Variants in TNS1 observed in about 807,000 individuals in gnomAD.
TNS1 encodes tensin-1.
In TNS1, 62 loss-of-function variants were observed where a neutral mutation model predicts 168.6. The ratio of observed to expected loss-of-function variants is 0.37; its 90% confidence interval spans 0.30 to 0.45. The LOEUF is 0.45. Among genes scored for constraint, TNS1 ranks in the 20% least tolerant of loss-of-function variants. The pLI is 1.00. For synonymous variants in TNS1, 934 were observed against 933.2 expected, an observed-to-expected ratio of 1.00 and a Z score of -0.02; for missense variants, 2,240 against 2,339.4, an observed-to-expected ratio of 0.96 and a Z score of 0.88.
At chr2:217,935,735 T>A (rs3791907) in intron 3 of TNS1, among the ~76,000 whole-genome samples, 11,431 of 152,146 alleles carry the variant, frequency 0.075, 969 homozygotes, top group African/African-American at 0.2. Context: ...GTAATAACCA[T>A]AACAAAAACA....
At chr2:217,912,109 A>C (rs1286147038) in intron 4 of TNS1, among the ~76,000 whole-genome samples, 1 of 152,194 alleles carries the variant, frequency 6.6e-6, no homozygotes, top group Non-Finnish European at 1.5e-5. Context: ...CATGGGCCCA[A>C]GGTGGGGCCA....
At position 217,817,934 on chromosome 2, in the gene TNS1, G is replaced by A; in HGVS notation, c.4398C>T (p.Gly1466=). The change falls in exon 24 of 33, where the codon GGC becomes GGT. Residue 1466 remains glycine (G), a synonymous_variant. Coordinates refer to ENST00000682258, the MANE Select transcript of TNS1 (RefSeq NM_001387777.1). ...ACGGGGAGGTGGCAGGGCTGCTCAG[G>A]CCAGGGTAGTAGGCAGGGGAGACAG... The part of the protein sequence containing the change: ...SFPVSPAYYP[G]LSSPATSPSP... 1.2e-6 allele frequency: 2 copies of A among 1,612,640 alleles called. No individual in the cohort carries two copies. Among genetic ancestry groups the A allele is most frequent in the Non-Finnish European group, 1.7e-6 (2 of 1,179,378 alleles).
intron 3 of TNS1, among the ~76,000 whole-genome samples, chr2:217,969,771 A>T (rs770991098): frequency 6.6e-6 from 1 of 152,256 alleles, no homozygotes; most frequent in Non-Finnish European, 1.5e-5. Flanking sequence ...TCAAAAAGTC[A>T]GATAATAACA....
intron 1 of TNS1, among the ~76,000 whole-genome samples, chr2:218,028,260 C>G (rs115381327): frequency 0.024 from 3,670 of 152,292 alleles, 147 homozygotes; most frequent in African/African-American, 0.083. Flanking sequence ...ATTCCCACAC[C>G]TGCACCCTCC....
intron 29 of TNS1, 87 bp from the exon 30 acceptor site, chr2:217,810,078 C>G: frequency 6.6e-7 from 1 of 1,510,238 alleles, no homozygotes; most frequent in South Asian, 1.2e-5. Flanking sequence ...GAGAAGGTAG[C>G]AGATAAATTT....
chr2:217,834,009 A>G (rs2125310073), intron 21 of TNS1, among the ~76,000 whole-genome samples: 1 of 152,378 alleles, frequency 6.6e-6, no homozygotes. Context: ...TAATGTAACC[A>G]GTTTCCTGTT....
intron 3 of TNS1, among the ~76,000 whole-genome samples, chr2:217,929,872 C>T (rs907357112): frequency 2.6e-5 from 4 of 152,182 alleles, no homozygotes; most frequent in African/African-American, 9.6e-5. Flanking sequence ...ATTGCAACAG[C>T]CTACAACACT....
intron 18 of TNS1, among the ~76,000 whole-genome samples, chr2:217,859,986 G>C (rs549310992): frequency 6.6e-6 from 1 of 152,154 alleles, no homozygotes. Flanking sequence ...TGGGCTTTGC[G>C]GCCAGGCCAG....
At chr2:217,885,002 G>A (rs754870223) in intron 16 of TNS1, 33 bp downstream of exon 16, 22 of 1,612,618 alleles carry the variant, frequency 1.4e-5, no homozygotes, top group Non-Finnish European at 1.8e-5. Flanking sequence ...TGCCACAGGG[G>A]TGCCCACCCC....
intron 3 of TNS1, among the ~76,000 whole-genome samples, chr2:217,977,055 A>C (rs1386359658): frequency 6.6e-6 from 1 of 152,260 alleles, no homozygotes; most frequent in Admixed American, 6.5e-5. Flanking sequence ...AAAGGAATTA[A>C]AAGAACAAAG....
intron 24 of TNS1, among the ~76,000 whole-genome samples, chr2:217,817,410 T>C (rs1042758982): frequency 2.0e-5 from 3 of 152,256 alleles, no homozygotes; most frequent in Non-Finnish European, 2.9e-5. Context: ...GTAATGGCTA[T>C]GAGGACGATG....
intron 21 of TNS1, among the ~76,000 whole-genome samples, chr2:217,832,804 G>C (rs1191786042): frequency 6.6e-6 from 1 of 152,152 alleles, no homozygotes; most frequent in African/African-American, 2.4e-5. Context: ...CCCTCACTCT[G>C]TCCTTGGATG....
intron 3 of TNS1, among the ~76,000 whole-genome samples, chr2:217,943,214 C>T (rs1037912189): frequency 6.6e-6 from 1 of 152,130 alleles, no homozygotes; most frequent in Admixed American, 6.5e-5. Flanking sequence ...GCACTTCTGC[C>T]AGTCTGTGCC....
chr2:217,942,210 G>T (rs1956945857), intron 3 of TNS1, among the ~76,000 whole-genome samples: 1 of 152,136 alleles, frequency 6.6e-6, no homozygotes, highest in Non-Finnish European at 1.5e-5. Flanking sequence ...AGGGTCCCAG[G>T]TTGCCTCCTC....
At chr2:217,866,595 G>T (rs1307758776) in intron 18 of TNS1, among the ~76,000 whole-genome samples, 1 of 152,222 alleles carries the variant, frequency 6.6e-6, no homozygotes, top group Non-Finnish European at 1.5e-5. Flanking sequence ...ATTTTCATCA[G>T]TGAAATGCTG....
intron 24 of TNS1, among the ~76,000 whole-genome samples, chr2:217,815,806 T>G (rs2161967): frequency 0.45 from 68,878 of 151,832 alleles, 17,716 homozygotes; most frequent in Middle Eastern, 0.6. Flanking sequence ...ATCCATTTCT[T>G]CCCCCTTTTC....
rs982526589 is a variant in TNS1, at chr2:217,986,369, T to C, written c.148+4573A>G. On this transcript the variant is annotated intron_variant, in intron 2 of 32. Coordinates refer to ENST00000682258, the MANE Select transcript of TNS1 (RefSeq NM_001387777.1). This position sits in a 1 kb window ranked among gnomAD's most constrained non-coding sequence, Gnocchi z 4.7. Reference sequence around the variant, plus strand: ...CATCCTGCCCTAAGGAAACTGCAGGTGACTGTCCCCCATTCCAGGCTCACC... The same window carrying C: ...CATCCTGCCCTAAGGAAACTGCAGGCGACTGTCCCCCATTCCAGGCTCACC... Among the ~76,000 whole-genome samples, 5 of 152,226 alleles carry C rather than the reference T, an allele frequency of 3.3e-5. No homozygotes were observed. Among genetic ancestry groups the C allele is most frequent in the Non-Finnish European group, 5.9e-5 (4 of 68,036 alleles).
At chr2:217,887,566 C>T (rs754999130) in intron 12 of TNS1, among the ~76,000 whole-genome samples, 12 of 152,222 alleles carry the variant, frequency 7.9e-5, no homozygotes, top group South Asian at 4.1e-4. Flanking sequence ...CCTCGGCCTC[C>T]CAAAGTGCTG....
intron 31 of TNS1, 35 bp from the exon 32 acceptor site, chr2:217,808,142 G>A (rs367735342): frequency 4.3e-4 from 698 of 1,610,558 alleles, no homozygotes; most frequent in Non-Finnish European, 3.8e-4. Flanking sequence ...GTAAATCATC[G>A]TACTTTCTCC....
Sources: gnomAD v4.1 joint callset for allele counts (sites outside exome capture counted in the v4.1 genomes callset) on GRCh38, gnomAD v4.1.1 for gene constraint, Gnocchi (gnomAD v3.1) non-coding constraint, MANE v1.5 for transcripts, NCBI Gene and HGNC (gene_info 2026-07-23, HGNC 2026-07-21) for gene names.